Variants in TSPAN5 observed in about 807,000 individuals in gnomAD.
The protein encoded by TSPAN5 is tetraspanin-5.
Under a neutral mutation model 37.1 loss-of-function variants are expected in TSPAN5, and 10 were observed. The observed-to-expected ratio is 0.27, with a 90% CI of 0.17 to 0.46. The LOEUF is 0.46. Ranked by LOEUF, TSPAN5 falls within the 20% of genes least tolerant of loss-of-function variation. The pLI, the probability that TSPAN5 is intolerant of heterozygous loss-of-function variation, is 1.00. For synonymous variants in TSPAN5, 110 were observed against 118.9 expected (o/e 0.93, Z 0.48); for missense variants, 195 against 326.6 (o/e 0.60, Z 3.11).
At chr4:98,560,430 A>G (rs1754855550) in intron 1 of TSPAN5, among the ~76,000 whole-genome samples, 1 of 152,226 alleles carries the variant, frequency 6.6e-6, no homozygotes, top group Admixed American at 6.5e-5. Context: ...AAACATATTT[A>G]ATTGCTTCTA....
intron 7 of TSPAN5, 46 bp downstream of exon 7, chr4:98,476,143 C>CA: frequency 6.8e-7 from 1 of 1,465,416 alleles, no homozygotes; most frequent in Non-Finnish European, 9.6e-7. Flanking sequence ...AGGGCTCTCC[C>CA]AGGGCATTAT....
chr4:98,533,700 G>A (rs568455902), intron 1 of TSPAN5, among the ~76,000 whole-genome samples: 23 of 148,440 alleles, frequency 1.5e-4, no homozygotes, highest in African/African-American at 5.7e-4. Context: ...ACAGGCACCC[G>A]CCACCAAGCC....
At chr4:98,614,383 G>C (rs1022895229) in intron 1 of TSPAN5, among the ~76,000 whole-genome samples, 114 of 152,180 alleles carry the variant, frequency 7.5e-4, no homozygotes, top group Non-Finnish European at 1.2e-3. Context: ...GGGTAGAGTG[G>C]GCTGCATTTC....
chr4:98,583,502 T>A (rs923816880), intron 1 of TSPAN5, among the ~76,000 whole-genome samples: 3 of 152,138 alleles, frequency 2.0e-5, no homozygotes, highest in Non-Finnish European at 2.9e-5. Context: ...CTTTCTTATA[T>A]CAATAATCTC....
chr4:98,540,407 G>A (rs773868075), intron 1 of TSPAN5, among the ~76,000 whole-genome samples: 3 of 151,816 alleles, frequency 2.0e-5, no homozygotes, highest in African/African-American at 4.8e-5. Context: ...GCGCGATCTC[G>A]GCTCACTGCA....
At chr4:98,550,612 T>A (rs990270336) in intron 1 of TSPAN5, among the ~76,000 whole-genome samples, 76 of 146,256 alleles carry the variant, frequency 5.2e-4, no homozygotes, top group South Asian at 1.7e-3. Flanking sequence ...GCTGGGTTTT[T>A]TTTTTTTTTT....
At chr4:98,604,273 C>T (rs1293269371) in intron 1 of TSPAN5, among the ~76,000 whole-genome samples, 1 of 152,178 alleles carries the variant, frequency 6.6e-6, no homozygotes, top group East Asian at 1.9e-4. Context: ...CTATTCTTTA[C>T]ACCAAACCCC....
chr4:98,658,091 T>G, intron 1 of TSPAN5, 55 bp downstream of exon 1: 1 of 1,485,682 alleles, frequency 6.7e-7, no homozygotes. Context: ...GTGGGGGAAA[T>G]CGTCGCGAAT....
At chr4:98,519,412 C>T (rs968120282) in intron 1 of TSPAN5, among the ~76,000 whole-genome samples, 1 of 151,888 alleles carries the variant, frequency 6.6e-6, no homozygotes, top group African/African-American at 2.4e-5. Flanking sequence ...GTGGGAGGAT[C>T]GCTTGAGCCC....
intron 1 of TSPAN5, among the ~76,000 whole-genome samples, chr4:98,615,999 C>G (rs148557345): frequency 1.8e-3 from 270 of 152,262 alleles, no homozygotes; most frequent in African/African-American, 6.3e-3. Flanking sequence ...GATTCAACTG[C>G]CAGTGCACAC....
intron 1 of TSPAN5, among the ~76,000 whole-genome samples, chr4:98,612,648 G>T (rs34879386): frequency 0.094 from 14,375 of 152,182 alleles, 879 homozygotes; most frequent in South Asian, 0.25. Flanking sequence ...AGAAACAGCA[G>T]GCCACCTGCC....
intron 1 of TSPAN5, among the ~76,000 whole-genome samples, chr4:98,512,188 G>A (rs1416848472): frequency 1.3e-5 from 2 of 152,014 alleles, no homozygotes; most frequent in Non-Finnish European, 2.9e-5. Flanking sequence ...ACTACAGCCT[G>A]GCGACAGAGC....
chr4:98,587,611 C>T (rs1214247978), intron 1 of TSPAN5, among the ~76,000 whole-genome samples: 1 of 152,086 alleles, frequency 6.6e-6, no homozygotes, highest in Non-Finnish European at 1.5e-5. Context: ...AGGTGCTGGC[C>T]GGGCGCAGTG....
At chr4:98,575,433 C>A (rs1364775581) in intron 1 of TSPAN5, among the ~76,000 whole-genome samples, 1 of 149,666 alleles carries the variant, frequency 6.7e-6, no homozygotes, top group East Asian at 2.0e-4. Flanking sequence ...CCTAATCTTT[C>A]AGATCTAAGC....
chr4:98,495,858 A>G (rs997357993), intron 2 of TSPAN5, among the ~76,000 whole-genome samples: 1 of 152,164 alleles, frequency 6.6e-6, no homozygotes, highest in Non-Finnish European at 1.5e-5. Context: ...ATACAAAAAT[A>G]GCATTAATAA....
intron 1 of TSPAN5, among the ~76,000 whole-genome samples, chr4:98,588,546 G>A (rs545445898): frequency 6.6e-6 from 1 of 151,954 alleles, no homozygotes; most frequent in African/African-American, 2.4e-5. Flanking sequence ...CTTCCCATAG[G>A]TCCTTCATAT....
At chr4:98,498,064 G>A (rs13116652) in intron 2 of TSPAN5, among the ~76,000 whole-genome samples, 77,559 of 152,034 alleles carry the variant, frequency 0.51, 21,084 homozygotes, top group East Asian at 0.68. Flanking sequence ...GGGGTGATCC[G>A]GGTGAGATCT....
At chr4:98,567,156 C>T (rs552614014) in intron 1 of TSPAN5, among the ~76,000 whole-genome samples, 62 of 152,322 alleles carry the variant, frequency 4.1e-4, no homozygotes, top group African/African-American at 1.4e-3. Context: ...CAGACTGGAT[C>T]TTCTCGTAAC....
At chr4:98,565,541 T>G (rs968241906) in intron 1 of TSPAN5, among the ~76,000 whole-genome samples, 2 of 152,200 alleles carry the variant, frequency 1.3e-5, no homozygotes, top group African/African-American at 4.8e-5. Flanking sequence ...CTCTTGAAAC[T>G]GAATTGCTGA....
Sources: allele counts gnomAD v4.1 joint callset (sites outside exome capture counted in the v4.1 genomes callset), GRCh38; gene constraint gnomAD v4.1.1; transcripts MANE v1.5; gene names NCBI Gene and HGNC (gene_info 2026-07-23, HGNC 2026-07-21).